PTPRD: variants seen among roughly 807,000 people sequenced by gnomAD.
PTPRD encodes the protein receptor-type tyrosine-protein phosphatase delta.
Under a neutral mutation model 214.5 loss-of-function variants are expected in PTPRD, and 34 were observed. That is an observed-to-expected ratio of 0.16 (90% CI 0.12 to 0.21). The LOEUF (loss-of-function observed/expected upper bound fraction) is 0.21, where lower values mean the gene tolerates loss of function less well. PTPRD is among the 10% of genes least tolerant of loss of function. PTPRD has a pLI of 1.00. For missense variants in PTPRD, 2,545 were observed against 2,398.7 expected (o/e 1.06, Z -1.27); for synonymous variants, 1,128 against 845.7 (o/e 1.33, Z -5.79).
chr9:8,709,880 T>C (rs945218657), intron 12 of PTPRD, among the ~76,000 whole-genome samples: 3 of 152,102 alleles, frequency 2.0e-5, no homozygotes, highest in Admixed American at 1.3e-4. Context: ...GATGGGCAAA[T>C]GAAGATAATA....
chr9:10,393,610 G>C (rs1565748794), intron 2 of PTPRD, among the ~76,000 whole-genome samples: 1 of 149,660 alleles, frequency 6.7e-6, no homozygotes, highest in Non-Finnish European at 1.5e-5. Flanking sequence ...GGGCAATATA[G>C]CAAGACCCAG....
chr9:8,631,882 A>G (rs2096264763), intron 14 of PTPRD, among the ~76,000 whole-genome samples: 1 of 151,822 alleles, frequency 6.6e-6, no homozygotes, highest in Non-Finnish European at 1.5e-5. Context: ...CAACATTTCT[A>G]TGTGTTGGTC....
At chr9:9,513,579 A>T (rs2096761843) in intron 8 of PTPRD, among the ~76,000 whole-genome samples, 1 of 127,052 alleles carries the variant, frequency 7.9e-6, no homozygotes, top group African/African-American at 3.2e-5. Context: ...CCTGATAAAG[A>T]TATATAACAA....
chr9:8,585,242 A>T (rs2093548684), intron 14 of PTPRD, among the ~76,000 whole-genome samples: 1 of 152,198 alleles, frequency 6.6e-6, no homozygotes, highest in Non-Finnish European at 1.5e-5. Context: ...AAAGGGAGAA[A>T]AAGGGGAAGA....
At chr9:10,473,052 C>T (rs2099041216) in intron 2 of PTPRD, among the ~76,000 whole-genome samples, 1 of 151,710 alleles carries the variant, frequency 6.6e-6, no homozygotes, top group Non-Finnish European at 1.5e-5. Context: ...ATGTATATGA[C>T]CAAATTAAAT....
chr9:9,228,285 T>C (rs2099960838), intron 9 of PTPRD, among the ~76,000 whole-genome samples: 1 of 152,116 alleles, frequency 6.6e-6, no homozygotes, highest in South Asian at 2.1e-4. Context: ...TCTCTCAAAA[T>C]GTGTTACTGT....
At chr9:9,650,201 T>G (rs1229885289) in intron 7 of PTPRD, among the ~76,000 whole-genome samples, 1 of 152,142 alleles carries the variant, frequency 6.6e-6, no homozygotes, top group Non-Finnish European at 1.5e-5. Context: ...TGTCACCATG[T>G]AAGATGTGCC....
intron 11 of PTPRD, among the ~76,000 whole-genome samples, chr9:9,017,676 G>A (rs188501401): frequency 3.3e-5 from 5 of 152,226 alleles, no homozygotes; most frequent in Non-Finnish European, 5.9e-5. Flanking sequence ...CTTAAATTGA[G>A]CATAAAACAA....
chr9:10,474,575 A>T (rs979525888), intron 2 of PTPRD, among the ~76,000 whole-genome samples: 2 of 151,814 alleles, frequency 1.3e-5, no homozygotes, highest in East Asian at 3.9e-4. Context: ...ATATTAGATC[A>T]AAGAGGCAGA....
chr9:8,898,454 T>C (rs1433542), intron 11 of PTPRD, among the ~76,000 whole-genome samples: 16,945 of 152,138 alleles, frequency 0.11, 1,358 homozygotes, highest in East Asian at 0.28. Context: ...TGATTATTTA[T>C]ACAATGTAGG....
At chr9:8,958,852 AG>A (rs1183656030) in intron 11 of PTPRD, 4 of 152,014 alleles carry the variant, frequency 2.6e-5, no homozygotes, top group African/African-American at 9.7e-5. Context: ...CTGAGAGGTA[AG>A]ATAATAGAGA....
intron 2 of PTPRD, among the ~76,000 whole-genome samples, chr9:10,463,360 G>T (rs1393458411): frequency 6.6e-6 from 1 of 152,016 alleles, no homozygotes; most frequent in African/African-American, 2.4e-5. Context: ...ATATAAAATA[G>T]AAACCAATTT....
chr9:10,063,833 A>G (rs2097825740), intron 3 of PTPRD, among the ~76,000 whole-genome samples: 2 of 151,974 alleles, frequency 1.3e-5, no homozygotes, highest in African/African-American at 4.8e-5. Context: ...CTGGGGAAAA[A>G]CAAAAACAAA....
At chr9:9,514,487 G>C (rs2096787022) in intron 8 of PTPRD, among the ~76,000 whole-genome samples, 1 of 152,046 alleles carries the variant, frequency 6.6e-6, no homozygotes, top group Non-Finnish European at 1.5e-5. Context: ...TTAGGAAGTA[G>C]ACAGAGAGGA....
intron 11 of PTPRD, among the ~76,000 whole-genome samples, chr9:8,796,415 G>A (rs1307414299): frequency 6.6e-6 from 1 of 152,114 alleles, no homozygotes; most frequent in Non-Finnish European, 1.5e-5. Context: ...TGGGATGTAA[G>A]AATGGTCCCA....
chr9:9,513,088 C>G (rs1490833069), intron 8 of PTPRD, among the ~76,000 whole-genome samples: 1 of 151,822 alleles, frequency 6.6e-6, no homozygotes, highest in Non-Finnish European at 1.5e-5. Flanking sequence ...GGCAGAGGGA[C>G]TCATCTTCTA....
intron 27 of PTPRD, among the ~76,000 whole-genome samples, chr9:8,491,459 A>G (rs1421303093): frequency 6.6e-6 from 1 of 152,152 alleles, no homozygotes; most frequent in African/African-American, 2.4e-5. Context: ...GCTTCATATA[A>G]AACATTTCAG....
chr9:9,834,126 A>G (rs913642694), intron 5 of PTPRD, among the ~76,000 whole-genome samples: 20 of 152,166 alleles, frequency 1.3e-4, no homozygotes, highest in African/African-American at 4.8e-4. Context: ...AAGAAATTAC[A>G]AAAGTATTAA....
intron 2 of PTPRD, among the ~76,000 whole-genome samples, chr9:10,542,978 C>A (rs1385126155): frequency 1.3e-5 from 2 of 152,006 alleles, no homozygotes. Context: ...CTTGAACTCC[C>A]AACCTCAGGT....
Sources: gnomAD v4.1 joint callset for allele counts (sites outside exome capture counted in the v4.1 genomes callset) on GRCh38, gnomAD v4.1.1 for gene constraint, MANE v1.5 for transcripts, NCBI Gene and HGNC (gene_info 2026-07-23, HGNC 2026-07-21) for gene names.